NDUFAF2: variants seen among roughly 807,000 people sequenced by gnomAD.
The protein encoded by NDUFAF2 is NADH dehydrogenase [ubiquinone] 1 alpha subcomplex assembly factor 2.
A neutral mutation model predicts 22.8 loss-of-function variants in NDUFAF2; 13 were observed. That is an observed-to-expected ratio of 0.57 (90% CI 0.37 to 0.91). NDUFAF2 has a LOEUF of 0.91. NDUFAF2 is among the 40% of genes least tolerant of loss of function. The pLI is 0.01. For missense variants in NDUFAF2, 162 were observed against 195.2 expected, an observed-to-expected ratio of 0.83 and a Z score of 1.01; for synonymous variants, 53 against 64.2, an observed-to-expected ratio of 0.83 and a Z score of 0.84.
chr5:60,984,975 G>A (rs1751051272), intron 1 of NDUFAF2, among the ~76,000 whole-genome samples: 1 of 152,198 alleles, frequency 6.6e-6, no homozygotes, highest in Non-Finnish European at 1.5e-5. Context: ...AATGGTACCA[G>A]CTCCTCCTTG....
intron 3 of NDUFAF2, among the ~76,000 whole-genome samples, chr5:61,136,005 T>TATATATATATATATATATA (rs1411594766): frequency 3.1e-5 from 3 of 96,028 alleles, no homozygotes; most frequent in Non-Finnish European, 6.0e-5. Flanking sequence ...AAGCCTGTCT[T>TATATATATATATATATATA]TATATATATA....
rs574876282 is a variant in NDUFAF2, at chr5:60,975,779, A to G, written c.127+30397A>G. ...AAGTAGAAGGAAAACTATGAAAGTC[A>G]GGTGCCCTGGAAGCCAAATAATTTT... On this transcript the variant is annotated intron_variant, in intron 1 of 3. Coordinates refer to ENST00000296597, the MANE Select transcript of NDUFAF2 (RefSeq NM_174889.5). Among the ~76,000 whole-genome samples, 3 of 152,338 alleles carry G rather than the reference A, an allele frequency of 2.0e-5. No homozygotes were observed. In the East Asian group the frequency reaches 5.8e-4, roughly 29 times the overall value.
rs555428747 is a variant in NDUFAF2, at chr5:61,022,914, G to C, written c.128-50211G>C. Among the ~76,000 whole-genome samples the C allele has an allele frequency of 4.8e-4, 73 of 152,314 alleles. No homozygotes were observed. In the East Asian group the frequency reaches 0.014, roughly 29 times the overall value. On this transcript the variant is annotated intron_variant, in intron 1 of 3. Transcript: ENST00000296597. Reference sequence around the variant, plus strand: ...CCTGCCTCAGCTTCCCTAAGTGCTAGGATTACCGGCGTGAACCACCATGCC... The same window carrying C: ...CCTGCCTCAGCTTCCCTAAGTGCTACGATTACCGGCGTGAACCACCATGCC...
At chr5:61,102,863 A>G (rs1333912192) in intron 3 of NDUFAF2, among the ~76,000 whole-genome samples, 1 of 145,730 alleles carries the variant, frequency 6.9e-6, no homozygotes, top group Non-Finnish European at 1.6e-5. Context: ...TTTTAAGTAT[A>G]TGAAAATATA....
chr5:61,097,406 T>G (rs199597261), intron 2 of NDUFAF2, among the ~76,000 whole-genome samples: 1 of 53,004 alleles, frequency 1.9e-5, no homozygotes. Flanking sequence ...TATAATAAAG[T>G]TTTGAATAAC....
At chr5:60,956,321 G>A (rs972487019) in intron 1 of NDUFAF2, among the ~76,000 whole-genome samples, 8 of 152,014 alleles carry the variant, frequency 5.3e-5, no homozygotes, top group African/African-American at 7.2e-5. Context: ...GGCTTCTTCC[G>A]CTCTAATTTG....
At chr5:61,091,313 G>A (rs1752566278) in intron 2 of NDUFAF2, among the ~76,000 whole-genome samples, 1 of 152,110 alleles carries the variant, frequency 6.6e-6, no homozygotes, top group South Asian at 2.1e-4. Context: ...ACAATGTATA[G>A]CATTCCTTTT....
At chr5:61,152,311 C>T (rs890443518) in intron 3 of NDUFAF2, among the ~76,000 whole-genome samples, 1 of 151,528 alleles carries the variant, frequency 6.6e-6, no homozygotes, top group African/African-American at 2.4e-5. Context: ...AAAGGGTAGT[C>T]AGAGCACTTC....
intron 1 of NDUFAF2, among the ~76,000 whole-genome samples, chr5:60,975,470 T>A (rs922738152): frequency 1.3e-5 from 2 of 152,070 alleles, no homozygotes; most frequent in Non-Finnish European, 2.9e-5. Flanking sequence ...ACAGAGAGAT[T>A]CAGAAGGTCA....
At chr5:60,958,349 A>G (rs1202797869) in intron 1 of NDUFAF2, among the ~76,000 whole-genome samples, 1 of 152,198 alleles carries the variant, frequency 6.6e-6, no homozygotes, top group Non-Finnish European at 1.5e-5. Context: ...AACATGAATC[A>G]TAGGCTATTT....
At chr5:61,007,075 A>G (rs536185523) in intron 1 of NDUFAF2, among the ~76,000 whole-genome samples, 2 of 152,188 alleles carry the variant, frequency 1.3e-5, no homozygotes, top group African/African-American at 4.8e-5. Context: ...TTGCCTGTTC[A>G]TTCTGATGGT....
chr5:61,092,534 C>T (rs897077246), intron 2 of NDUFAF2, among the ~76,000 whole-genome samples: 21 of 152,046 alleles, frequency 1.4e-4, no homozygotes, highest in Non-Finnish European at 2.8e-4. Flanking sequence ...TATAGGAGTG[C>T]TAGCAATTTT....
At chr5:61,038,542 A>G (rs1440816557) in intron 1 of NDUFAF2, among the ~76,000 whole-genome samples, 1 of 152,134 alleles carries the variant, frequency 6.6e-6, no homozygotes, top group Non-Finnish European at 1.5e-5. Flanking sequence ...AGCCAACTCT[A>G]TCTTGTTTAT....
intron 1 of NDUFAF2, among the ~76,000 whole-genome samples, chr5:61,066,651 A>G (rs1170162192): frequency 6.6e-6 from 1 of 152,140 alleles, no homozygotes; most frequent in Non-Finnish European, 1.5e-5. Flanking sequence ...CACTTATATA[A>G]CATGGCATAA....
intron 1 of NDUFAF2, among the ~76,000 whole-genome samples, chr5:61,047,711 GA>G (rs952812540): frequency 3.5e-4 from 53 of 149,432 alleles, no homozygotes; most frequent in Non-Finnish European, 3.6e-4. Context: ...GCCCAAAAGT[GA>G]AAAAAAAAGA....
At chr5:61,120,555 C>A (rs1752963168) in intron 3 of NDUFAF2, among the ~76,000 whole-genome samples, 1 of 151,992 alleles carries the variant, frequency 6.6e-6, no homozygotes, top group Non-Finnish European at 1.5e-5. Context: ...TCTATTTTGA[C>A]CTTTATCTGA....
intron 1 of NDUFAF2, among the ~76,000 whole-genome samples, chr5:61,006,281 A>G (rs1439575961): frequency 2.0e-5 from 3 of 152,116 alleles, no homozygotes; most frequent in South Asian, 2.1e-4. Context: ...CGAGGGCTCT[A>G]TTCTGTTCCA....
At position 60,978,598 on chromosome 5, in the gene NDUFAF2, G is replaced by A. The variant is rs187584252; in HGVS notation, c.127+33216G>A. Among the ~76,000 whole-genome samples the A allele has an allele frequency of 1.1e-4, 16 of 152,282 alleles. 1 individual carries two copies. In the East Asian group the frequency reaches 2.3e-3, roughly 22 times the overall value. Reference sequence around the variant, plus strand: ...CGATGATAGCACCAAGGGGGATGGCGTTAAACCATGAGAAACTGCTTCCAT... The same window carrying A: ...CGATGATAGCACCAAGGGGGATGGCATTAAACCATGAGAAACTGCTTCCAT... On this transcript the variant is annotated intron_variant, in intron 1 of 3. Coordinates refer to ENST00000296597, the MANE Select transcript of NDUFAF2 (RefSeq NM_174889.5).
intron 2 of NDUFAF2, among the ~76,000 whole-genome samples, chr5:61,092,344 C>T (rs552672117): frequency 8.5e-5 from 13 of 152,066 alleles, no homozygotes; most frequent in Admixed American, 3.3e-4. Context: ...TCTTCCAGTC[C>T]GTGCGCATTG....
Sources: gnomAD v4.1 joint callset for allele counts (sites outside exome capture counted in the v4.1 genomes callset) on GRCh38, gnomAD v4.1.1 for gene constraint, MANE v1.5 for transcripts, NCBI Gene and HGNC (gene_info 2026-07-23, HGNC 2026-07-21) for gene names.